USP33: variants seen among roughly 807,000 people sequenced by gnomAD.
USP33 encodes ubiquitin carboxyl-terminal hydrolase 33.
In USP33, 46 loss-of-function variants were observed where a neutral mutation model predicts 124.2. The ratio of observed to expected loss-of-function variants is 0.37; its 90% confidence interval spans 0.29 to 0.47. The LOEUF is 0.47. Among genes scored for constraint, USP33 ranks in the 20% least tolerant of loss-of-function variants. The pLI, the probability that USP33 is intolerant of heterozygous loss-of-function variation, is 0.99. For synonymous variants in USP33, 350 were observed against 352.3 expected (o/e 0.99, Z 0.07); for missense variants, 851 against 1,070.6 (o/e 0.79, Z 2.86).
At position 77,723,315 on chromosome 1, in the gene USP33, A is replaced by G. The variant is rs1676789860; in HGVS notation, c.1389+16T>C. 2 of 1,540,566 alleles carry G rather than the reference A, an allele frequency of 1.3e-6. No homozygotes were observed. The highest frequency in any genetic ancestry group is 1.8e-6 in the Non-Finnish European group (2 of 1,118,700). ...TGACACGAATTTTCTGTGTATTCTA[A>G]TACCCTCATACTCACCCTGTCACAA... is the stretch of plus-strand genomic sequence containing the variant. On this transcript the variant is annotated intron_variant, in intron 12 of 23. Transcript: ENST00000370794.
chr1:77,728,748 T>C (rs746894290), intron 9 of USP33, 36 bp from the exon 10 acceptor site: 1 of 1,574,780 alleles, frequency 6.4e-7, no homozygotes, highest in Non-Finnish European at 8.6e-7. Context: ...ACCACTTCAT[T>C]ACATGTGTAT....
rs1673494645 is a variant in USP33, at chr1:77,697,104, C to T, written c.*213G>A. On this transcript the variant is annotated 3_prime_UTR_variant, in exon 24 of 24. Coordinates refer to ENST00000370794, the MANE Select transcript of USP33 (RefSeq NM_201624.3). ...CTCAAAAAAAAATTACACTGAAAGA[C>T]TTTATGGTAAGTATTTAAAACTAAA... 1 of 410,868 alleles carries T rather than the reference C, an allele frequency of 2.4e-6. No homozygotes were observed. 25.5% of individuals were successfully genotyped at this position (410,868 alleles called of 1,614,324 possible).
At chr1:77,744,898 C>T (rs1219662334) in intron 1 of USP33, among the ~76,000 whole-genome samples, 4 of 152,204 alleles carry the variant, frequency 2.6e-5, no homozygotes, top group Non-Finnish European at 5.9e-5. Flanking sequence ...AATGTATATT[C>T]TGTTGATATG....
At chr1:77,736,504 T>A (rs1678471211) in intron 5 of USP33, among the ~76,000 whole-genome samples, 1 of 152,226 alleles carries the variant, frequency 6.6e-6, no homozygotes, top group Admixed American at 6.5e-5. Context: ...CTACACTGTC[T>A]TCTCAGATCT....
At chr1:77,701,602 C>G (rs1674025759) in intron 21 of USP33, 131 bp from the exon 22 acceptor site, 1 of 672,728 alleles carries the variant, frequency 1.5e-6, no homozygotes, top group East Asian at 2.8e-5. Flanking sequence ...TCCTTGAACC[C>G]AGGAGTTCCA....
At chr1:77,739,563 CT>C in intron 4 of USP33, 146 bp from the exon 5 acceptor site, 2 of 747,500 alleles carry the variant, frequency 2.7e-6, no homozygotes, top group Non-Finnish European at 4.0e-6. Flanking sequence ...GAAAAAAATT[CT>C]TTAGATAAAC....
rs185448862 is a variant in USP33 at position 77,737,431 on chromosome 1, C to T, written c.352-1273G>A. Among the ~76,000 whole-genome samples the T allele has an allele frequency of 6.6e-5, 10 of 152,248 alleles. No homozygotes were observed. In the East Asian group the frequency reaches 1.9e-3, roughly 29 times the overall value. On this transcript the variant is annotated intron_variant, in intron 5 of 23. Transcript: ENST00000370794. ...CACAGAAGTACAGAGGCTTAAATCACCTGAAATTTTACTATCTAGAAAAAA... is the reference window on the plus strand; with the variant it reads ...CACAGAAGTACAGAGGCTTAAATCATCTGAAATTTTACTATCTAGAAAAAA...
chr1:77,698,570 G>T (rs565715823), intron 22 of USP33, among the ~76,000 whole-genome samples: 2 of 142,820 alleles, frequency 1.4e-5, no homozygotes, highest in South Asian at 2.2e-4. Context: ...GCATCATCTC[G>T]GCTCACTGCA....
At chr1:77,708,913 T>C (rs1460699090) in intron 21 of USP33, among the ~76,000 whole-genome samples, 2 of 152,152 alleles carry the variant, frequency 1.3e-5, no homozygotes, top group Admixed American at 6.5e-5. Flanking sequence ...CTTAAACTCC[T>C]GGGCTCAAGT....
At chr1:77,710,793 G>A (rs559692841) in intron 21 of USP33, among the ~76,000 whole-genome samples, 1 of 152,222 alleles carries the variant, frequency 6.6e-6, no homozygotes, top group East Asian at 1.9e-4. Context: ...CCATAATAGT[G>A]TCTCAGTAGA....
At chr1:77,708,515 C>T (rs1674885279) in intron 21 of USP33, among the ~76,000 whole-genome samples, 1 of 152,214 alleles carries the variant, frequency 6.6e-6, no homozygotes. Context: ...GTAGCAGTAG[C>T]TTCTCAGGTT....
chr1:77,700,668 T>C (rs948149318), intron 22 of USP33, among the ~76,000 whole-genome samples: 3 of 151,930 alleles, frequency 2.0e-5, no homozygotes, highest in Non-Finnish European at 4.4e-5. Context: ...ACTAGGCATA[T>C]TGTTGCAGCC....
At chr1:77,713,800 C>T (rs1031020533) in intron 19 of USP33, among the ~76,000 whole-genome samples, 2 of 152,112 alleles carry the variant, frequency 1.3e-5, no homozygotes, top group African/African-American at 4.8e-5. Context: ...AGTCCTCCTG[C>T]CTCAGCCTCC....
chr1:77,716,345 T>C (rs1405663866), intron 17 of USP33, among the ~76,000 whole-genome samples: 2 of 151,910 alleles, frequency 1.3e-5, no homozygotes, highest in Non-Finnish European at 2.9e-5. Context: ...CAGGCATGAG[T>C]CATTAACACC....
intron 7 of USP33, among the ~76,000 whole-genome samples, chr1:77,733,854 T>G (rs1315750038): frequency 6.6e-6 from 1 of 152,156 alleles, no homozygotes; most frequent in African/African-American, 2.4e-5. Context: ...GAAAGGGTAA[T>G]GTCAAAGTCA....
chr1:77,700,690 T>C (rs1405612977), intron 22 of USP33, among the ~76,000 whole-genome samples: 2 of 150,200 alleles, frequency 1.3e-5, no homozygotes, highest in Admixed American at 1.3e-4. Flanking sequence ...TTTTCACATA[T>C]CAGAATCTTT....
intron 21 of USP33, among the ~76,000 whole-genome samples, chr1:77,710,796 T>C (rs1269509985): frequency 6.6e-6 from 1 of 152,202 alleles, no homozygotes; most frequent in Non-Finnish European, 1.5e-5. Context: ...TAATAGTGTC[T>C]CAGTAGATTT....
rs181419152 is a variant in USP33, at chr1:77,721,782, A to G, written c.1657+49T>C. On this transcript the variant is annotated intron_variant, in intron 14 of 23. Coordinates refer to ENST00000370794, the MANE Select transcript of USP33 (RefSeq NM_201624.3). ...CACTTTATTATTTAGTCCCACTAGTATTTTAGATTTACCTACAAAAATTTA... is the reference window on the plus strand; with the variant it reads ...CACTTTATTATTTAGTCCCACTAGTGTTTTAGATTTACCTACAAAAATTTA... 1,385 of 1,515,924 alleles carry G rather than the reference A, an allele frequency of 9.1e-4. 8 individuals carry two copies. The African/African-American group carries it at 0.012, about 14-fold the overall frequency. 93.9% of individuals were successfully genotyped at this position (1,515,924 alleles called of 1,614,324 possible). A position where few individuals can be genotyped will look rare whatever the true frequency, so the allele number is the denominator to read the frequency against.
intron 21 of USP33, among the ~76,000 whole-genome samples, chr1:77,710,397 A>C (rs1195648320): frequency 6.6e-6 from 1 of 152,200 alleles, no homozygotes; most frequent in Non-Finnish European, 1.5e-5. Context: ...CTACATTCTG[A>C]TTCTATTCAA....
Sources: allele counts gnomAD v4.1 joint callset (sites outside exome capture counted in the v4.1 genomes callset), GRCh38; gene constraint gnomAD v4.1.1; transcripts MANE v1.5; gene names NCBI Gene and HGNC (gene_info 2026-07-23, HGNC 2026-07-21).